The following PYM1 variants were observed in gnomAD, a reference collection of about 807,000 sequenced individuals.
PYM1 encodes the protein partner of Y14 and mago.
A neutral mutation model predicts 20.7 loss-of-function variants in PYM1; 7 were observed. The observed-to-expected ratio is 0.34, with a 90% confidence interval of 0.19 to 0.64. The LOEUF (loss-of-function observed/expected upper bound fraction) is 0.64. Ranked by LOEUF, PYM1 falls within the 30% of genes least tolerant of loss-of-function variation. The pLI is 0.74. For missense variants in PYM1, 194 were observed against 250.0 expected, an observed-to-expected ratio of 0.78 and a Z score of 1.51; for synonymous variants, 100 against 99.2, an observed-to-expected ratio of 1.01 and a Z score of -0.05.
intron 1 of PYM1, among the ~76,000 whole-genome samples, chr12:55,923,614 T>C (rs1397901389): frequency 6.6e-6 from 1 of 151,434 alleles, no homozygotes; most frequent in South Asian, 2.1e-4. Flanking sequence ...TTCTAGTTAA[T>C]AGTAATATAT....
intron 1 of PYM1, among the ~76,000 whole-genome samples, chr12:55,920,661 AAAAAG>A (rs907593476): frequency 6.6e-6 from 1 of 152,018 alleles, no homozygotes; most frequent in African/African-American, 2.4e-5. Flanking sequence ...AAAAAAAAAG[AAAAAG>A]AAAATAACCC....
At chr12:55,914,145 A>G in intron 1 of PYM1, 1 of 547,982 alleles carries the variant, frequency 1.8e-6, no homozygotes, top group Non-Finnish European at 3.3e-6. Context: ...TTGATTGCAT[A>G]GAGATTATAG....
At chr12:55,911,353 C>T (rs1449517943) in intron 1 of PYM1, among the ~76,000 whole-genome samples, 1 of 151,938 alleles carries the variant, frequency 6.6e-6, no homozygotes, top group Non-Finnish European at 1.5e-5. Context: ...CTCATGTGAT[C>T]CACCCGCCTC....
chr12:55,904,280 C>T (rs1369930552), intron 1 of PYM1, among the ~76,000 whole-genome samples: 10 of 149,990 alleles, frequency 6.7e-5, no homozygotes, highest in South Asian at 4.4e-4. Context: ...AAAGGGTATT[C>T]GTTGATGCAT....
chr12:55,901,956 G>A lies in PYM1; in HGVS notation c.531C>T (p.Ser177=), dbSNP rs1241033478. The A allele has an allele frequency of 6.2e-7, 1 of 1,614,016 alleles. No individual in the cohort carries two copies. The highest frequency in any genetic ancestry group is 2.2e-5 in the East Asian group (1 of 44,866). The change falls in exon 3 of 3, where the codon AGC becomes AGT. Residue 177 remains serine, a synonymous_variant. Coordinates refer to ENST00000408946, the MANE Select transcript of PYM1 (RefSeq NM_032345.3). ...TTTCTAGCTGCTCTTTGCTAGGCTG[G>A]CTGACTTCCCCAGCCTGGATCCGCT... The part of the protein sequence containing the change: ...LQQRIQAGEV[S]QPSKEQLEKL...
chr12:55,927,276 G>C, intron 1 of PYM1: 1 of 1,035,690 alleles, frequency 9.7e-7, no homozygotes, highest in South Asian at 1.4e-5. Flanking sequence ...AGCTGAAATA[G>C]TTAATAAAAT....
At chr12:55,920,257 C>A (rs555647442) in intron 1 of PYM1, among the ~76,000 whole-genome samples, 17 of 151,516 alleles carry the variant, frequency 1.1e-4, no homozygotes, top group Non-Finnish European at 1.9e-4. Context: ...AATCCCAACA[C>A]TTCAGGAGGC....
intron 1 of PYM1, among the ~76,000 whole-genome samples, chr12:55,907,497 G>A (rs1015459601): frequency 6.6e-5 from 10 of 151,350 alleles, no homozygotes; most frequent in Admixed American, 6.6e-4. Flanking sequence ...AGCCGGGCAC[G>A]GCGGCATGCG....
chr12:55,927,181 C>G lies in PYM1; in HGVS notation c.37+544G>C, dbSNP rs1001197469. The stretch of plus-strand genomic sequence containing the variant: ...CCCCCTCCCCACCGGAAGTGGAGTC[C>G]CGATCGTAGCAAGCCACCATCTTAG... On this transcript the variant is annotated intron_variant, in intron 1 of 2. Transcript: ENST00000408946. 7.1e-6 allele frequency: 11 copies of G among 1,548,314 alleles called. No individual in the cohort carries two copies. The Admixed American group carries it at 2.2e-4, about 30-fold the overall frequency.
At chr12:55,905,934 A>AGATATATATATTATTATATATAT (rs1565714530) in intron 1 of PYM1, among the ~76,000 whole-genome samples, 2 of 70,238 alleles carry the variant, frequency 2.8e-5, no homozygotes, top group Non-Finnish European at 5.3e-5. Flanking sequence ...TATATATCTA[A>AGATATATATATTATTATATATAT]TAGATATATA....
intron 1 of PYM1, among the ~76,000 whole-genome samples, chr12:55,911,219 C>T (rs1284099987): frequency 1.3e-5 from 2 of 152,148 alleles, no homozygotes; most frequent in Admixed American, 1.3e-4. Flanking sequence ...AACGATTCTC[C>T]TGCCTCAGCC....
chr12:55,901,676 T>C lies in PYM1; in HGVS notation c.*196A>G, dbSNP rs1882689862. The C allele has an allele frequency of 1.3e-6, 1 of 752,464 alleles. No individual in the cohort carries two copies. Among genetic ancestry groups the C allele is most frequent in the Non-Finnish European group, 2.1e-6 (1 of 487,628 alleles). The allele number at this position is 752,464 out of a possible 1,614,324, so 46.6% of individuals were successfully genotyped here. A position where few individuals can be genotyped will look rare whatever the true frequency, so the allele number is the denominator to read the frequency against. On this transcript the variant is annotated 3_prime_UTR_variant, in exon 3 of 3. Coordinates refer to ENST00000408946, the MANE Select transcript of PYM1 (RefSeq NM_032345.3). ...AACACTGGGAATGGGAGGGGGAAAGTCCAAAAAGTAGAAGTTGGGAAGAAA... is the reference window on the plus strand; with the variant it reads ...AACACTGGGAATGGGAGGGGGAAAGCCCAAAAAGTAGAAGTTGGGAAGAAA...
chr12:55,902,489 G>GT, intron 2 of PYM1, 134 bp from the exon 3 acceptor site: 2 of 1,318,358 alleles, frequency 1.5e-6, no homozygotes, highest in Non-Finnish European at 2.0e-6. Flanking sequence ...GGGGTTGTTT[G>GT]TTTTTTGAGA....
intron 1 of PYM1, among the ~76,000 whole-genome samples, chr12:55,925,014 T>C (rs1883165213): frequency 2.0e-5 from 3 of 152,224 alleles, no homozygotes; most frequent in Non-Finnish European, 4.4e-5. Flanking sequence ...AAAAAATAAT[T>C]AGAAGCCATG....
At chr12:55,919,834 A>T (rs1314277789) in intron 1 of PYM1, among the ~76,000 whole-genome samples, 1 of 151,712 alleles carries the variant, frequency 6.6e-6, no homozygotes, top group African/African-American at 2.4e-5. Flanking sequence ...TTGGCAGAGC[A>T]GAGATCGCGT....
chr12:55,909,169 G>C (rs1255969736), intron 1 of PYM1, among the ~76,000 whole-genome samples: 1 of 152,016 alleles, frequency 6.6e-6, no homozygotes, highest in Admixed American at 6.6e-5. Flanking sequence ...TTTTTGCCCA[G>C]CTGTGACAAG....
chr12:55,905,349 A>G (rs2136257570), intron 1 of PYM1, among the ~76,000 whole-genome samples: 1 of 151,940 alleles, frequency 6.6e-6, no homozygotes, highest in Middle Eastern at 3.4e-3. Context: ...CATTAATCTC[A>G]TCACTAAAGT....
intron 1 of PYM1, among the ~76,000 whole-genome samples, chr12:55,904,710 C>T (rs528061355): frequency 6.6e-6 from 1 of 151,390 alleles, no homozygotes; most frequent in South Asian, 2.1e-4. Flanking sequence ...AACCCTGTCT[C>T]TACTAAAAAT....
intron 1 of PYM1, among the ~76,000 whole-genome samples, chr12:55,911,024 A>C (rs1882913577): frequency 6.6e-6 from 1 of 152,192 alleles, no homozygotes; most frequent in Non-Finnish European, 1.5e-5. Flanking sequence ...AGTTCTTTAA[A>C]AGGTGCTAGA....
Sources: gnomAD v4.1 joint callset for allele counts (sites outside exome capture counted in the v4.1 genomes callset) on GRCh38, gnomAD v4.1.1 for gene constraint, MANE v1.5 for transcripts, NCBI Gene and HGNC (gene_info 2026-07-23, HGNC 2026-07-21) for gene names.